Variants in ELP4 observed in about 807,000 individuals in gnomAD.
ELP4 encodes elongator complex protein 4.
Under a neutral mutation model 48.9 loss-of-function variants are expected in ELP4, and 51 were observed. The observed-to-expected ratio is 1.04, with a 90% CI of 0.83 to 1.32. ELP4 has a LOEUF of 1.32. ELP4 is among the 40% of genes most tolerant of loss of function. The pLI, the probability that ELP4 is intolerant of heterozygous loss-of-function variation, is 0.00. For missense variants in ELP4, 519 were observed against 514.6 expected (o/e 1.01, Z -0.08); for synonymous variants, 210 against 189.2 (o/e 1.11, Z -0.90).
intron 9 of ELP4, among the ~76,000 whole-genome samples, chr11:31,766,229 G>T (rs1374136090): frequency 6.6e-6 from 1 of 151,934 alleles, no homozygotes; most frequent in Non-Finnish European, 1.5e-5. Context: ...TTTTATATCT[G>T]AATAAAAAAG....
At chr11:31,530,001 A>G (rs2133891712) in intron 2 of ELP4, among the ~76,000 whole-genome samples, 1 of 152,290 alleles carries the variant, frequency 6.6e-6, no homozygotes, top group East Asian at 1.9e-4. Flanking sequence ...CAATTACAGA[A>G]ACTGATCTCT....
intron 9 of ELP4, among the ~76,000 whole-genome samples, chr11:31,729,411 G>A (rs1592259311): frequency 6.6e-6 from 1 of 152,032 alleles, no homozygotes; most frequent in African/African-American, 2.4e-5. Flanking sequence ...GAAATAATAG[G>A]CAAATAATCA....
At chr11:31,669,076 ATTTATTTTTATTTTATTTTATT>A (rs551854212) in intron 9 of ELP4, among the ~76,000 whole-genome samples, 2,738 of 146,534 alleles carry the variant, frequency 0.019, 91 homozygotes, top group African/African-American at 0.063. Context: ...CATGTCTTTT[ATTTATTTTTATTTTATTTTATT>A]TTTATTTTTA....
chr11:31,663,568 A>G (rs1945606968), intron 9 of ELP4: 1 of 152,162 alleles, frequency 6.6e-6, no homozygotes, highest in South Asian at 2.1e-4. Context: ...TTTTATTAGC[A>G]GAAGTATACT....
intron 3 of ELP4, among the ~76,000 whole-genome samples, chr11:31,572,578 G>T (rs1397423583): frequency 6.6e-6 from 1 of 152,080 alleles, no homozygotes; most frequent in Non-Finnish European, 1.5e-5. Context: ...TTAGAGAGAG[G>T]ATATGTTTAT....
intron 3 of ELP4, among the ~76,000 whole-genome samples, chr11:31,594,233 T>C (rs190439592): frequency 8.8e-4 from 134 of 152,296 alleles, no homozygotes; most frequent in Middle Eastern, 3.4e-3. Flanking sequence ...AATCAGAGAT[T>C]ATTGTTAAAG....
At chr11:31,549,428 C>T (rs1449129164) in intron 3 of ELP4, among the ~76,000 whole-genome samples, 1 of 152,084 alleles carries the variant, frequency 6.6e-6, no homozygotes, top group Non-Finnish European at 1.5e-5. Flanking sequence ...ATATCAAAAC[C>T]ACAATGAGAT....
intron 3 of ELP4, among the ~76,000 whole-genome samples, chr11:31,567,548 C>T (rs1957132645): frequency 6.6e-6 from 1 of 152,044 alleles, no homozygotes; most frequent in Non-Finnish European, 1.5e-5. Context: ...TAAAATGCAT[C>T]CTGATTTTAG....
At chr11:31,701,944 A>G (rs183598781) in intron 9 of ELP4, among the ~76,000 whole-genome samples, 62 of 152,240 alleles carry the variant, frequency 4.1e-4, no homozygotes, top group African/African-American at 1.3e-3. Context: ...CAAAAATTGA[A>G]TATCAACTGT....
chr11:31,710,322 T>C (rs1429129859), intron 9 of ELP4, among the ~76,000 whole-genome samples: 2 of 152,118 alleles, frequency 1.3e-5, no homozygotes, highest in Non-Finnish European at 2.9e-5. Context: ...AAGAATGATG[T>C]GTTCATAGAT....
chr11:31,743,884 A>G (rs1310317135), intron 9 of ELP4, among the ~76,000 whole-genome samples: 1 of 151,950 alleles, frequency 6.6e-6, no homozygotes, highest in Non-Finnish European at 1.5e-5. Context: ...GAAGGCAAGA[A>G]ATAACTTAGA....
intron 2 of ELP4, among the ~76,000 whole-genome samples, chr11:31,536,208 A>G (rs1358234701): frequency 6.6e-6 from 1 of 152,186 alleles, no homozygotes; most frequent in Non-Finnish European, 1.5e-5. Flanking sequence ...ATTAAAAAAA[A>G]AAGCTGTCAT....
intron 3 of ELP4, among the ~76,000 whole-genome samples, chr11:31,578,660 A>C (rs1957331428): frequency 6.6e-6 from 1 of 152,226 alleles, no homozygotes; most frequent in Non-Finnish European, 1.5e-5. Context: ...CTGATCTTTG[A>C]CAAACCTGAC....
At chr11:31,649,806 A>G (rs1436209728) in intron 8 of ELP4, 2 of 219,554 alleles carry the variant, frequency 9.1e-6, no homozygotes, top group Non-Finnish European at 1.8e-5. Flanking sequence ...TGCTTACTGT[A>G]AATACAAGAG....
At chr11:31,738,674 G>A (rs982083747) in intron 9 of ELP4, among the ~76,000 whole-genome samples, 8 of 151,680 alleles carry the variant, frequency 5.3e-5, no homozygotes, top group African/African-American at 1.9e-4. Flanking sequence ...CCTGCGGGTC[G>A]AGGTCTCAGT....
At chr11:31,702,436 A>G (rs1317333141) in intron 9 of ELP4, among the ~76,000 whole-genome samples, 2 of 152,122 alleles carry the variant, frequency 1.3e-5, no homozygotes, top group African/African-American at 4.8e-5. Context: ...ATTTGGGATG[A>G]AAAAGTTCTG....
chr11:31,611,388 C>G (rs1286576830), intron 5 of ELP4, among the ~76,000 whole-genome samples: 1 of 152,146 alleles, frequency 6.6e-6, no homozygotes, highest in Middle Eastern at 3.2e-3. Flanking sequence ...TGAGTCGGCT[C>G]TTATCACTAC....
chr11:31,558,589 T>G (rs1454700159), intron 3 of ELP4, among the ~76,000 whole-genome samples: 2 of 152,184 alleles, frequency 1.3e-5, no homozygotes, highest in Non-Finnish European at 2.9e-5. Context: ...GCTTAGATTT[T>G]AATTTCTATG....
intron 9 of ELP4, chr11:31,763,299 G>A: frequency 1.0e-6 from 1 of 955,524 alleles, no homozygotes; most frequent in African/African-American, 1.7e-5. Flanking sequence ...CTTTTAAAAA[G>A]ATACACAATT....
Sources: gnomAD v4.1 joint callset for allele counts (sites outside exome capture counted in the v4.1 genomes callset) on GRCh38, gnomAD v4.1.1 for gene constraint, MANE v1.5 for transcripts, NCBI Gene and HGNC (gene_info 2026-07-23, HGNC 2026-07-21) for gene names.